TUBGCP6: variants seen among roughly 807,000 people sequenced by gnomAD.
TUBGCP6 encodes tubulin gamma complex component 6.
In TUBGCP6, 161 loss-of-function variants were observed where a neutral mutation model predicts 175.8. The observed-to-expected ratio is 0.92, with a 90% CI of 0.81 to 1.04. TUBGCP6 has a LOEUF of 1.04. TUBGCP6 is among the 50% of genes least tolerant of loss of function. TUBGCP6 has a pLI of 0.00. For synonymous variants in TUBGCP6, 1,173 were observed against 1,030.5 expected, an observed-to-expected ratio of 1.14 and a Z score of -2.65; for missense variants, 2,572 against 2,433.0, an observed-to-expected ratio of 1.06 and a Z score of -1.20.
chr22:50,241,815 T>G (rs190981240), intron 1 of TUBGCP6, among the ~76,000 whole-genome samples: 2 of 152,036 alleles, frequency 1.3e-5, no homozygotes, highest in South Asian at 4.1e-4. Context: ...AGCCTGGCAT[T>G]TGGGGCCACT....
chr22:50,222,905 C>T (rs558238419), intron 13 of TUBGCP6: 1 of 322,666 alleles, frequency 3.1e-6, no homozygotes, highest in African/African-American at 2.1e-5. Flanking sequence ...AGGCCGAGGG[C>T]CCCAGGCCTC....
chr22:50,228,839 T>A (rs959264509), intron 4 of TUBGCP6, among the ~76,000 whole-genome samples: 6 of 152,002 alleles, frequency 3.9e-5, no homozygotes, highest in African/African-American at 1.2e-4. Flanking sequence ...CCTCCAGGGC[T>A]CTCTGCCCAC....
chr22:50,224,458 G>A (rs1247627236), intron 11 of TUBGCP6, 38 bp from the exon 12 acceptor site: 1 of 1,613,982 alleles, frequency 6.2e-7, no homozygotes, highest in African/African-American at 1.3e-5. Flanking sequence ...GTCACAAGGA[G>A]GCCCCAGCAA....
At chr22:50,238,229 A>G (rs1168191060) in intron 2 of TUBGCP6, among the ~76,000 whole-genome samples, 1 of 152,014 alleles carries the variant, frequency 6.6e-6, no homozygotes, top group African/African-American at 2.4e-5. Context: ...TTGCCTAATT[A>G]TGGTGAGCTG....
chr22:50,228,527 G>C (rs1035476017), intron 4 of TUBGCP6, among the ~76,000 whole-genome samples: 1 of 152,172 alleles, frequency 6.6e-6, no homozygotes, highest in Non-Finnish European at 1.5e-5. Flanking sequence ...GTCACACTAA[G>C]ACAGGGGCAC....
Position 50,240,331 on chromosome 22 carries a change from A to G in TUBGCP6, c.778T>C (p.Phe260Leu). The part of the protein sequence containing the change: ...PSVDQWEDEG[F>L]QSASNLTPDS... Reference sequence around the variant, plus strand: ...GGAGTCAAGTTGGACGCTGACTGGAATCCTTCGTCTTCCCACTGATCCACA... The same window carrying G: ...GGAGTCAAGTTGGACGCTGACTGGAGTCCTTCGTCTTCCCACTGATCCACA... Residue 260 changes from phenylalanine to leucine, a missense_variant, in exon 2 of 25, where the codon TTC (phenylalanine) becomes CTC (leucine). Phe to Leu is a conservative substitution (Grantham distance 22). Coordinates refer to ENST00000248846, the MANE Select transcript of TUBGCP6 (RefSeq NM_020461.4). 1 of 1,613,562 alleles carries G rather than the reference A, an allele frequency of 6.2e-7. No homozygotes were observed. Among genetic ancestry groups the G allele is most frequent in the Non-Finnish European group, 8.5e-7 (1 of 1,179,920 alleles).
At position 50,219,508 on chromosome 22, in the gene TUBGCP6, G is replaced by A. The variant is rs780784232; in HGVS notation, c.4316-52C>T. 1.6e-5 allele frequency: 26 copies of A among 1,591,664 alleles called. No individual in the cohort carries two copies. The Admixed American group carries it at 2.2e-4, about 14-fold the overall frequency. On this transcript the variant is annotated intron_variant, in intron 18 of 24. Coordinates refer to ENST00000248846, the MANE Select transcript of TUBGCP6 (RefSeq NM_020461.4). ...TGGGAACCGGCCAGCCCAGGGCTCC[G>A]CCCCCATCCACAGGAGATGGAGCAC...
At position 50,221,765 on chromosome 22, in the gene TUBGCP6, G is replaced by A; in HGVS notation, c.2594C>T (p.Thr865Ile). The A allele has an allele frequency of 6.6e-7, 1 of 1,514,456 alleles. No homozygotes were observed. The highest frequency in any genetic ancestry group is 1.3e-5 in the South Asian group (1 of 74,814). The allele number at this position is 1,514,456 out of a possible 1,614,324, so 93.8% of individuals were successfully genotyped here. The change falls in exon 16 of 25, where the codon ACC becomes ATC. Residue 865 changes from threonine (T) to isoleucine (I), a missense_variant. By Grantham distance (89) the Thr-to-Ile change is moderately conservative (BLOSUM62 -1). Coordinates refer to ENST00000248846, the MANE Select transcript of TUBGCP6 (RefSeq NM_020461.4). ...WDGWNRPGLL[T>I]PQPLKPLAVG... The stretch of plus-strand genomic sequence containing the variant: ...TGCTAGAGGCTTAAGGGGCTGTGGG[G>A]TCAGCAGGCCTGGCCTGTTCCAGCC...
chr22:50,234,442 TCC>T (rs2064738702), intron 2 of TUBGCP6, among the ~76,000 whole-genome samples: 1 of 128,666 alleles, frequency 7.8e-6, no homozygotes, highest in African/African-American at 3.1e-5. Flanking sequence ...GGCAGCATCA[TCC>T]ACATCCAGGT....
rs549405831 is a variant in TUBGCP6 at position 50,242,736 on chromosome 22, T to C, written c.741+983A>G. On this transcript the variant is annotated intron_variant, in intron 1 of 24. Coordinates refer to ENST00000248846, the MANE Select transcript of TUBGCP6 (RefSeq NM_020461.4). ...CACGAATTACAGAACATGAACACTT[T>C]TGCCACACGTGGCTACTGAGCACTT... is the stretch of plus-strand genomic sequence containing the variant. Among the ~76,000 whole-genome samples the C allele has an allele frequency of 5.3e-5, 8 of 152,346 alleles. No individual in the cohort carries two copies. The South Asian group carries it at 1.7e-3, about 32-fold the overall frequency.
chr22:50,232,275 A>G (rs1340924479), intron 3 of TUBGCP6, among the ~76,000 whole-genome samples: 1 of 151,774 alleles, frequency 6.6e-6, no homozygotes. Context: ...CTGAGGCAGG[A>G]GAATTGCTTG....
At chr22:50,241,814 T>C (rs1237304732) in intron 1 of TUBGCP6, among the ~76,000 whole-genome samples, 5 of 152,040 alleles carry the variant, frequency 3.3e-5, no homozygotes, top group African/African-American at 1.2e-4. Context: ...CAGCCTGGCA[T>C]TTGGGGCCAC....
Position 50,218,305 on chromosome 22 carries a change from G to T in TUBGCP6, c.5052C>A (p.Ile1684=), listed in dbSNP as rs139368772. The change falls in exon 23 of 25, where the codon ATC becomes ATA. Residue 1684 remains isoleucine (I), a synonymous_variant. Transcript: ENST00000248846. ...AGGTGACGTGCAGGATCTGGTTGGC[G>T]ATGTAGCCCTGGATGACCTTCACGA... ...QHFVKVIQGY[I]ANQILHVTWC... is the part of the protein sequence containing the mutation. 4.3e-6 allele frequency: 7 copies of T among 1,613,012 alleles called. No individual in the cohort carries two copies. In the Admixed American group the frequency reaches 1.2e-4, roughly 27 times the overall value.
At position 50,221,787 on chromosome 22, in the gene TUBGCP6, A is replaced by T. The variant is rs1268988268; in HGVS notation, c.2572T>A (p.Trp858Arg). The T allele has an allele frequency of 6.6e-7, 1 of 1,511,552 alleles. No individual in the cohort carries two copies. Among genetic ancestry groups the T allele is most frequent in the East Asian group, 2.3e-5 (1 of 43,854 alleles). 93.6% of individuals were successfully genotyped at this position (1,511,552 alleles called of 1,614,324 possible). ...GGGGTCAGCAGGCCTGGCCTGTTCC[A>T]GCCATCCCAGGCAGGCGAGTGTTGC... ...AEQHSPAWDG[W>R]NRPGLLTPQP... Residue 858 changes from tryptophan to arginine, a missense_variant, in exon 16 of 25, where the codon TGG (tryptophan) becomes AGG (arginine). By Grantham distance (101) the Trp-to-Arg change is moderately radical (BLOSUM62 -3). Coordinates refer to ENST00000248846, the MANE Select transcript of TUBGCP6 (RefSeq NM_020461.4).
chr22:50,218,465 G>C, intron 22 of TUBGCP6, 23 bp downstream of exon 22: 1 of 1,613,078 alleles, frequency 6.2e-7, no homozygotes, highest in Non-Finnish European at 8.5e-7. Context: ...GGTGCGGGGC[G>C]CCGGGCTCCA....
intron 2 of TUBGCP6, among the ~76,000 whole-genome samples, chr22:50,236,863 G>A (rs2064783804): frequency 6.6e-6 from 1 of 152,122 alleles, no homozygotes. Context: ...GTTTCCCCCT[G>A]CAGCCACTTC....
At chr22:50,224,099 T>C (rs759848275) in intron 13 of TUBGCP6, 42 bp downstream of exon 13, 11 of 1,583,240 alleles carry the variant, frequency 6.9e-6, no homozygotes, top group East Asian at 2.2e-5. Flanking sequence ...ATGGGGCCCC[T>C]GCCGCACTGC....
chr22:50,220,480 G>C lies in TUBGCP6; in HGVS notation c.3879C>G (p.Pro1293=), dbSNP rs2064499428. 6.2e-7 allele frequency: 1 copy of C among 1,613,156 alleles called. No homozygotes were observed. The highest frequency in any genetic ancestry group is 1.3e-5 in the African/African-American group (1 of 74,956). The change falls in exon 16 of 25, where the codon CCC becomes CCG. Residue 1293 remains proline (P), a synonymous_variant. Transcript: ENST00000248846. ...ACGTGTGGCCAGGGGGGCTCTGTTG[G>C]GGCCTGGGTGTGTTGGGCTCAGCTT... ...SPEAEPNTPR[P]QQSPPGHTSQ... is the part of the protein sequence containing the mutation.
chr22:50,227,810 C>A, intron 5 of TUBGCP6, 97 bp downstream of exon 5: 1 of 1,491,246 alleles, frequency 6.7e-7, no homozygotes, highest in South Asian at 1.3e-5. Context: ...TTCTCACAGG[C>A]CCTCCTTGCC....
Sources: gnomAD v4.1 joint callset for allele counts (sites outside exome capture counted in the v4.1 genomes callset) on GRCh38, gnomAD v4.1.1 for gene constraint, MANE v1.5 for transcripts, NCBI Gene and HGNC (gene_info 2026-07-23, HGNC 2026-07-21) for gene names.